The following ULK4 variants were observed in gnomAD, a reference collection of about 807,000 sequenced individuals.
ULK4 encodes inactive serine/threonine-protein kinase ULK4.
In ULK4, 133 loss-of-function variants were observed where a neutral mutation model predicts 160.6. The observed-to-expected ratio is 0.83, with a 90% confidence interval of 0.72 to 0.96. ULK4 has a LOEUF of 0.96. ULK4 is among the 40% of genes least tolerant of loss of function. The pLI is 0.00. For synonymous variants in ULK4, 534 were observed against 539.8 expected (o/e 0.99, Z 0.15); for missense variants, 1,580 against 1,499.5 (o/e 1.05, Z -0.89).
At chr3:41,480,206 CAAAAAAAAAA>C (rs60805184) in intron 32 of ULK4, among the ~76,000 whole-genome samples, 3 of 97,182 alleles carry the variant, frequency 3.1e-5, no homozygotes, top group East Asian at 6.6e-4. Flanking sequence ...GACTCCGTAT[CAAAAAAAAAA>C]AAAAAAAAAA....
rs545248424 is a variant in ULK4 at position 41,399,746 on chromosome 3, C to T, written c.3493-1482G>A. Among the ~76,000 whole-genome samples, 12 of 152,076 alleles carry T rather than the reference C, an allele frequency of 7.9e-5. No individual in the cohort carries two copies. The East Asian group carries it at 1.6e-3, about 20-fold the overall frequency. On this transcript the variant is annotated intron_variant, in intron 34 of 36. Coordinates refer to ENST00000301831, the MANE Select transcript of ULK4 (RefSeq NM_017886.4). ...TCAGCCTCCTGAATAGCTGGGACCACGGGGGTGCACTGTCACACCTTGCTA... is the reference window on the plus strand; with the variant it reads ...TCAGCCTCCTGAATAGCTGGGACCATGGGGGTGCACTGTCACACCTTGCTA...
At chr3:41,262,258 G>C (rs1559492916) in intron 35 of ULK4, among the ~76,000 whole-genome samples, 1 of 152,198 alleles carries the variant, frequency 6.6e-6, no homozygotes, top group Non-Finnish European at 1.5e-5. Context: ...TCTGCCATGG[G>C]GGGAGCTAGT....
rs73828258 is a variant in ULK4 at position 41,769,956 on chromosome 3, C to T, written c.2194-15468G>A. Among the ~76,000 whole-genome samples, 599 of 152,280 alleles carry T rather than the reference C, an allele frequency of 3.9e-3. 2 individuals carry two copies. The highest frequency in any genetic ancestry group is 0.014 in the African/African-American group (580 of 41,558). The stretch of plus-strand genomic sequence containing the variant: ...GTGAGAAATCATGTAGATAACCACA[C>T]TGACACTATTTTCCTATTTAATATT... On this transcript the variant is annotated intron_variant, in intron 21 of 36. Coordinates refer to ENST00000301831, the MANE Select transcript of ULK4 (RefSeq NM_017886.4).
At chr3:41,249,618 C>T in intron 35 of ULK4, 44 bp from the exon 36 acceptor site, 4 of 1,587,194 alleles carry the variant, frequency 2.5e-6, no homozygotes, top group Non-Finnish European at 3.4e-6. Flanking sequence ...CTGACCCGTC[C>T]CTGACTCATG....
rs947415120 is a variant in ULK4, at chr3:41,400,696, C to T, written c.3493-2432G>A. 3.3e-5 allele frequency among the ~76,000 whole-genome samples: 5 copies of T among 152,152 alleles called. No homozygotes were observed. The East Asian group carries it at 9.6e-4, about 29-fold the overall frequency. The stretch of plus-strand genomic sequence containing the variant: ...CCTCTGGGATAAATGCCCAAGAGTA[C>T]AATGGCTGGGTTGTATGGGAGACTC... On this transcript the variant is annotated intron_variant, in intron 34 of 36. Coordinates refer to ENST00000301831, the MANE Select transcript of ULK4 (RefSeq NM_017886.4).
intron 12 of ULK4, 137 bp from the exon 13 acceptor site, chr3:41,900,966 G>A: frequency 1.8e-6 from 1 of 555,034 alleles, no homozygotes; most frequent in Non-Finnish European, 3.1e-6. Context: ...TATTCAAGAT[G>A]GTTGCAGTCT....
chr3:41,930,032 C>G (rs976373503), intron 5 of ULK4, among the ~76,000 whole-genome samples: 1 of 152,172 alleles, frequency 6.6e-6, no homozygotes, highest in African/African-American at 2.4e-5. Flanking sequence ...ATAGCCAAGA[C>G]TATCCTAAGC....
At chr3:41,540,154 C>T (rs948572877) in intron 32 of ULK4, among the ~76,000 whole-genome samples, 2 of 152,066 alleles carry the variant, frequency 1.3e-5, no homozygotes, top group Admixed American at 1.3e-4. Flanking sequence ...TGGTTCACTG[C>T]ACCCATCAAC....
At chr3:41,561,294 A>G (rs547708217) in intron 32 of ULK4, among the ~76,000 whole-genome samples, 25 of 152,310 alleles carry the variant, frequency 1.6e-4, no homozygotes, top group African/African-American at 5.8e-4. Flanking sequence ...TTTTGCATCA[A>G]TGTTCATCAA....
At chr3:41,429,310 A>C (rs2082849333) in intron 34 of ULK4, among the ~76,000 whole-genome samples, 1 of 152,216 alleles carries the variant, frequency 6.6e-6, no homozygotes, top group Admixed American at 6.5e-5. Flanking sequence ...GGGAGTGTAA[A>C]TTAGTTCAAC....
At chr3:41,508,467 A>G (rs1034599143) in intron 32 of ULK4, among the ~76,000 whole-genome samples, 6 of 152,062 alleles carry the variant, frequency 3.9e-5, no homozygotes, top group African/African-American at 9.7e-5. Context: ...CATCCTCCCT[A>G]TAGTATCACA....
intron 22 of ULK4, among the ~76,000 whole-genome samples, chr3:41,731,098 T>C (rs1030167277): frequency 6.6e-6 from 1 of 150,746 alleles, no homozygotes; most frequent in Non-Finnish European, 1.5e-5. Context: ...GGAAAAAAAA[T>C]AAATGGAAAG....
intron 21 of ULK4, among the ~76,000 whole-genome samples, chr3:41,769,884 A>G (rs997352036): frequency 3.9e-5 from 6 of 152,228 alleles, no homozygotes; most frequent in African/African-American, 9.6e-5. Context: ...CTAAAAATCA[A>G]TATGTATAGC....
intron 32 of ULK4, among the ~76,000 whole-genome samples, chr3:41,519,700 A>AT: frequency 6.6e-6 from 1 of 152,202 alleles, no homozygotes; most frequent in Admixed American, 6.5e-5. Flanking sequence ...CATTTTATTC[A>AT]TTTTGCATTG....
At chr3:41,574,292 C>T (rs2088105323) in intron 31 of ULK4, among the ~76,000 whole-genome samples, 1 of 152,144 alleles carries the variant, frequency 6.6e-6, no homozygotes, top group Non-Finnish European at 1.5e-5. Context: ...GGTCCCACAG[C>T]TTGCCCAGCC....
intron 30 of ULK4, among the ~76,000 whole-genome samples, chr3:41,630,599 C>T (rs556448859): frequency 6.6e-6 from 1 of 152,230 alleles, no homozygotes; most frequent in South Asian, 2.1e-4. Flanking sequence ...TAATTTGCAA[C>T]CTTAATTACA....
chr3:41,733,678 T>C (rs6599171), intron 22 of ULK4, among the ~76,000 whole-genome samples: 12,617 of 150,950 alleles, frequency 0.084, 1,718 homozygotes, highest in African/African-American at 0.28. Flanking sequence ...ATTGAAAAAT[T>C]AGACTTTCAT....
chr3:41,660,348 T>C (rs1052654527), intron 30 of ULK4, among the ~76,000 whole-genome samples: 1 of 151,746 alleles, frequency 6.6e-6, no homozygotes, highest in Non-Finnish European at 1.5e-5. Flanking sequence ...TTAGCTTGCA[T>C]TTGGATACAT....
Position 41,523,032 on chromosome 3 carries a change from T to C in ULK4, c.3226+42993A>G, listed in dbSNP as rs559025086. ...GTTCAAGCGATTCTGCCTCAGCCTC[T>C]TGAGTAGCTGAGACTACAGGCATTC... On this transcript the variant is annotated intron_variant, in intron 32 of 36. Coordinates refer to ENST00000301831, the MANE Select transcript of ULK4 (RefSeq NM_017886.4). 1.3e-4 allele frequency among the ~76,000 whole-genome samples: 20 copies of C among 152,214 alleles called. No individual in the cohort carries two copies. The South Asian group carries it at 3.7e-3, about 28-fold the overall frequency.
Sources: gnomAD v4.1 joint callset for allele counts (sites outside exome capture counted in the v4.1 genomes callset) on GRCh38, gnomAD v4.1.1 for gene constraint, MANE v1.5 for transcripts, NCBI Gene and HGNC (gene_info 2026-07-23, HGNC 2026-07-21) for gene names.